PPP2R1B: variants seen among roughly 807,000 people sequenced by gnomAD.
PPP2R1B encodes the protein protein phosphatase 2 scaffold subunit Abeta.
PPP2R1B carries 58 observed loss-of-function variants against 72.7 expected under a neutral mutation model. The observed-to-expected ratio is 0.80, with a 90% CI of 0.65 to 0.99. PPP2R1B has a LOEUF of 0.99. Among genes scored for constraint, PPP2R1B ranks in the 50% least tolerant of loss-of-function variants. PPP2R1B has a pLI of 0.00. For synonymous variants in PPP2R1B, 256 were observed against 264.6 expected (o/e 0.97, Z 0.32); for missense variants, 695 against 733.6 (o/e 0.95, Z 0.61).
downstream of PPP2R1B, chr11:111,721,939 A>T: frequency 6.3e-7 from 1 of 1,592,638 alleles, no homozygotes; most frequent in Non-Finnish European, 8.5e-7. Context: ...CACAGACTCC[A>T]GGTGGGTCCT....
At chr11:111,751,706 A>G (rs1274116424) in intron 10 of PPP2R1B, among the ~76,000 whole-genome samples, 1 of 152,242 alleles carries the variant, frequency 6.6e-6, no homozygotes, top group Non-Finnish European at 1.5e-5. Context: ...GGCCAGATGC[A>G]GTGGCTCACG....
At chr11:111,764,367 T>TA (rs772641676) in intron 3 of PPP2R1B, among the ~76,000 whole-genome samples, 34 of 152,090 alleles carry the variant, frequency 2.2e-4, no homozygotes, top group Non-Finnish European at 4.0e-4. Context: ...TCTTCAACAT[T>TA]AACATTGTAA....
At chr11:111,694,716 G>A in the PPP2R1B span, among the ~76,000 whole-genome samples, 1 of 152,170 alleles carries the variant, frequency 6.6e-6, no homozygotes, top group Admixed American at 6.5e-5. Flanking sequence ...AAAGCACAAT[G>A]AAACTTTGTA....
chr11:111,762,379 C>A (rs1005311671), intron 3 of PPP2R1B, among the ~76,000 whole-genome samples: 2 of 151,962 alleles, frequency 1.3e-5, no homozygotes. Flanking sequence ...ATGATCTGTC[C>A]CCTGCCTACT....
downstream of PPP2R1B, chr11:111,726,479 A>AC (rs1176512405): frequency 1.9e-5 from 3 of 156,716 alleles, no homozygotes; most frequent in Non-Finnish European, 4.3e-5. Flanking sequence ...GCAGAGCGTG[A>AC]CCCCTCCTGC....
downstream of PPP2R1B, chr11:111,726,038 C>A (rs1943954499): frequency 6.6e-6 from 1 of 152,194 alleles, no homozygotes; most frequent in Non-Finnish European, 1.5e-5. Flanking sequence ...AAATAAAGAA[C>A]ATCATTTCAT....
At chr11:111,709,066 A>G in the PPP2R1B span, among the ~76,000 whole-genome samples, 2 of 152,230 alleles carry the variant, frequency 1.3e-5, no homozygotes, top group Non-Finnish European at 2.9e-5. Context: ...ACGAAATACC[A>G]CAGACCTAGT....
chr11:111,749,602 A>G (rs971351329), intron 10 of PPP2R1B, among the ~76,000 whole-genome samples: 11 of 152,160 alleles, frequency 7.2e-5, no homozygotes, highest in African/African-American at 1.4e-4. Context: ...CGGTTTTTGT[A>G]GTTTAACTTT....
At chr11:111,758,386 T>TG (rs1466909489) in intron 5 of PPP2R1B, among the ~76,000 whole-genome samples, 2 of 152,158 alleles carry the variant, frequency 1.3e-5, no homozygotes, top group South Asian at 4.1e-4. Flanking sequence ...GGTCAAGAGA[T>TG]GGAGACCATC....
intron 5 of PPP2R1B, among the ~76,000 whole-genome samples, chr11:111,755,673 T>G (rs1371656063): frequency 6.7e-6 from 1 of 149,642 alleles, no homozygotes; most frequent in African/African-American, 2.5e-5. Flanking sequence ...CATTCCAACA[T>G]CCGCCTCCCA....
chr11:111,696,029 G>A, the PPP2R1B span, among the ~76,000 whole-genome samples: 9 of 152,120 alleles, frequency 5.9e-5, no homozygotes, highest in East Asian at 1.9e-4. Context: ...GGTCTGCTGC[G>A]GCTGGTTAAT....
downstream of PPP2R1B, chr11:111,724,968 G>A (rs926359599): frequency 8.5e-5 from 13 of 152,436 alleles, no homozygotes; most frequent in South Asian, 2.1e-4. Context: ...GCAGTTTCTC[G>A]TGGACACTGC....
chr11:111,765,953 G>A, intron 1 of PPP2R1B: 2 of 547,566 alleles, frequency 3.7e-6, no homozygotes, highest in South Asian at 3.1e-5. Context: ...GCCACCTCAC[G>A]GCCCGGATGG....
At chr11:111,726,146 C>T (rs1490616170), downstream of PPP2R1B, 2 of 152,134 alleles carry the variant, frequency 1.3e-5, no homozygotes, top group African/African-American at 2.4e-5. Context: ...TGAAGGAAGA[C>T]GTTTTCCCAA....
At chr11:111,720,666 A>G in the PPP2R1B span, 1 of 1,614,070 alleles carries the variant, frequency 6.2e-7, no homozygotes, top group Non-Finnish European at 8.5e-7. Context: ...CAACCCAGCC[A>G]TGCAGGCTCT....
chr11:111,712,082 TG>T, the PPP2R1B span: 2 of 983,468 alleles, frequency 2.0e-6, no homozygotes, highest in Non-Finnish European at 3.0e-6. Flanking sequence ...TAAATCTTTC[TG>T]GAGTTTCCAA....
At chr11:111,742,410 C>T in intron 13 of PPP2R1B, 113 bp downstream of exon 13, 1 of 1,236,402 alleles carries the variant, frequency 8.1e-7, no homozygotes, top group Non-Finnish European at 1.1e-6. Flanking sequence ...TTAAGCAAAC[C>T]CAGATCTTAA....
chr11:111,763,983 G>C (rs782691064), intron 3 of PPP2R1B, among the ~76,000 whole-genome samples: 4 of 151,956 alleles, frequency 2.6e-5, no homozygotes, highest in Admixed American at 6.6e-5. Context: ...AGTATTCAAA[G>C]CTCTGACACA....
intron 4 of PPP2R1B, 90 bp downstream of exon 4, chr11:111,760,729 T>A: frequency 8.9e-7 from 1 of 1,119,692 alleles, no homozygotes; most frequent in Non-Finnish European, 1.3e-6. Flanking sequence ...CTATGTAAAT[T>A]GTCAGCTACA....
Sources: allele counts gnomAD v4.1 joint callset (sites outside exome capture counted in the v4.1 genomes callset), GRCh38; gene constraint gnomAD v4.1.1; transcripts MANE v1.5; gene names NCBI Gene and HGNC (gene_info 2026-07-23, HGNC 2026-07-21).